Variants in MMP26 observed in about 807,000 individuals in gnomAD.
MMP26 encodes matrix metallopeptidase 26.
Under a neutral mutation model 31.0 loss-of-function variants are expected in MMP26, and 33 were observed. The observed-to-expected ratio is 1.06, with a 90% CI of 0.81 to 1.42. The LOEUF (loss-of-function observed/expected upper bound fraction) is 1.42. Among genes scored for constraint, MMP26 ranks in the 40% most tolerant of loss-of-function variants. The pLI, the probability that MMP26 is intolerant of heterozygous loss-of-function variation, is 0.00. For missense variants in MMP26, 347 were observed against 316.1 expected (o/e 1.10, Z -0.74); for synonymous variants, 122 against 114.9 (o/e 1.06, Z -0.40).
chr11:4,884,880 A>T (rs993800343), intron 2 of MMP26, among the ~76,000 whole-genome samples: 1 of 152,090 alleles, frequency 6.6e-6, no homozygotes, highest in Admixed American at 6.6e-5. Context: ...CCCTTCAGAA[A>T]TATTGCTGTG....
chr11:4,885,986 T>A (rs10500633), intron 2 of MMP26, among the ~76,000 whole-genome samples: 27,292 of 152,058 alleles, frequency 0.18, 2,774 homozygotes, highest in South Asian at 0.34. Context: ...TAGGCCTATG[T>A]CTTATGTAAC....
At chr11:4,759,852 C>G (rs889922091) in intron 1 of MMP26, among the ~76,000 whole-genome samples, 1 of 152,206 alleles carries the variant, frequency 6.6e-6, no homozygotes, top group Admixed American at 6.5e-5. Context: ...CTGTCCTGGT[C>G]TTGGTCTCAA....
intron 2 of MMP26, among the ~76,000 whole-genome samples, chr11:4,806,915 G>T (rs1223692551): frequency 6.6e-6 from 1 of 152,002 alleles, no homozygotes. Context: ...TCTGTCACTT[G>T]CCCCTGTATA....
At chr11:4,942,089 C>CAAAAAAAAAAAAAA (rs201626472) in intron 2 of MMP26, among the ~76,000 whole-genome samples, 10 of 37,120 alleles carry the variant, frequency 2.7e-4, no homozygotes, top group South Asian at 1.4e-3. Flanking sequence ...GAGTCCATCT[C>CAAAAAAAAAAAAAA]AAAAAAAAAA....
At chr11:4,738,311 T>C (rs4132539) in intron 1 of MMP26, among the ~76,000 whole-genome samples, 26,458 of 152,186 alleles carry the variant, frequency 0.17, 2,782 homozygotes, top group African/African-American at 0.3. Context: ...TGTGCAGATG[T>C]GGGCATTAGA....
intron 2 of MMP26, among the ~76,000 whole-genome samples, chr11:4,872,619 T>C (rs1589925518): frequency 6.6e-6 from 1 of 152,046 alleles, no homozygotes; most frequent in African/African-American, 2.4e-5. Context: ...GGCCAGCTTT[T>C]ACTCAGCAGC....
At chr11:4,732,125 A>G (rs996953528) in intron 1 of MMP26, among the ~76,000 whole-genome samples, 1 of 152,182 alleles carries the variant, frequency 6.6e-6, no homozygotes, top group Non-Finnish European at 1.5e-5. Flanking sequence ...GAGTTTACCA[A>G]TCCACACCTC....
At chr11:4,839,254 C>G (rs1004967933) in intron 2 of MMP26, among the ~76,000 whole-genome samples, 1 of 151,992 alleles carries the variant, frequency 6.6e-6, no homozygotes, top group Non-Finnish European at 1.5e-5. Context: ...ACTTGAAAGG[C>G]AGTCTAGGCC....
intron 2 of MMP26, among the ~76,000 whole-genome samples, chr11:4,883,284 TG>T (rs1850505523): frequency 1.3e-5 from 2 of 151,922 alleles, no homozygotes. Flanking sequence ...CAATGAAGGT[TG>T]TTACTTGAGC....
chr11:4,754,555 T>C (rs751674799), intron 1 of MMP26, among the ~76,000 whole-genome samples: 3 of 152,030 alleles, frequency 2.0e-5, no homozygotes, highest in Non-Finnish European at 2.9e-5. Flanking sequence ...TTAGTCAAAA[T>C]ATAATTTTAA....
chr11:4,978,113 G>T (rs115187757), intron 2 of MMP26, among the ~76,000 whole-genome samples: 1,880 of 152,142 alleles, frequency 0.012, 50 homozygotes, highest in African/African-American at 0.043. Flanking sequence ...CACCATGTAG[G>T]ATGTGCCTTT....
intron 2 of MMP26, among the ~76,000 whole-genome samples, chr11:4,917,992 A>G (rs61880593): frequency 0.44 from 66,228 of 150,498 alleles, 14,892 homozygotes; most frequent in East Asian, 0.68. Flanking sequence ...ATGAAATAGG[A>G]TGGTGAAGAA....
rs552661189 is a variant in MMP26 at position 4,738,292 on chromosome 11, G to A, written c.-216-28978G>A. On this transcript the variant is annotated intron_variant, in intron 1 of 7. Coordinates refer to ENST00000380390, the MANE Select transcript of MMP26 (RefSeq NM_021801.5). Reference sequence around the variant, plus strand: ...CAAGACAAATGAAGACAGGAGAGCCGGGCAGTTTTGTGCAGATGTGGGCAT... The same window carrying A: ...CAAGACAAATGAAGACAGGAGAGCCAGGCAGTTTTGTGCAGATGTGGGCAT... Among the ~76,000 whole-genome samples the A allele has an allele frequency of 5.3e-5, 8 of 152,212 alleles. No individual in the cohort carries two copies. In the East Asian group the frequency reaches 9.6e-4, roughly 18 times the overall value.
At chr11:4,754,165 A>G (rs1848479775) in intron 1 of MMP26, among the ~76,000 whole-genome samples, 1 of 151,754 alleles carries the variant, frequency 6.6e-6, no homozygotes, top group Admixed American at 6.6e-5. Flanking sequence ...CAAAGTTCAT[A>G]AAAACTGAAA....
chr11:4,739,655 C>T (rs1264350611), intron 1 of MMP26, among the ~76,000 whole-genome samples: 2 of 152,110 alleles, frequency 1.3e-5, no homozygotes, highest in East Asian at 1.9e-4. Context: ...TATTCTAGCT[C>T]CAAATCTTAC....
Position 4,895,532 on chromosome 11 carries a change from A to T in MMP26, c.-144-92536A>T, listed in dbSNP as rs189727807. 9.2e-5 allele frequency among the ~76,000 whole-genome samples: 14 copies of T among 152,348 alleles called. No homozygotes were observed. In the East Asian group the frequency reaches 2.5e-3, roughly 27 times the overall value. Reference sequence around the variant, plus strand: ...CCCACAAAGAGTTCTGAGTCTACCCAGTATTTTCTCTAACCGTGAATAAAC... The same window carrying T: ...CCCACAAAGAGTTCTGAGTCTACCCTGTATTTTCTCTAACCGTGAATAAAC... On this transcript the variant is annotated intron_variant, in intron 2 of 7. Coordinates refer to ENST00000380390, the MANE Select transcript of MMP26 (RefSeq NM_021801.5).
intron 2 of MMP26, chr11:4,914,140 T>G (rs1851035843): frequency 6.6e-6 from 1 of 152,218 alleles, no homozygotes; most frequent in Admixed American, 6.5e-5. Context: ...TATCTGAGGA[T>G]TCTCTACTCA....
At chr11:4,848,785 C>G in intron 2 of MMP26, 1 of 1,614,024 alleles carries the variant, frequency 6.2e-7, no homozygotes, top group South Asian at 1.1e-5. Flanking sequence ...GTGAGGAGCG[C>G]TGGGTAGTGG....
intron 2 of MMP26, among the ~76,000 whole-genome samples, chr11:4,838,356 A>G (rs1406209801): frequency 1.7e-4 from 23 of 132,790 alleles, no homozygotes; most frequent in African/African-American, 6.3e-4. Context: ...AAAAAAAAAA[A>G]GTATGATATG....
Sources: allele counts gnomAD v4.1 joint callset (sites outside exome capture counted in the v4.1 genomes callset), GRCh38; gene constraint gnomAD v4.1.1; transcripts MANE v1.5; gene names NCBI Gene and HGNC (gene_info 2026-07-23, HGNC 2026-07-21).